Variants in ZDHHC11 observed in about 807,000 individuals in gnomAD.
ZDHHC11 encodes palmitoyltransferase ZDHHC11.
In ZDHHC11, 44 loss-of-function variants were observed where a neutral mutation model predicts 51.3. That is an observed-to-expected ratio of 0.86 (90% confidence interval 0.67 to 1.10). The LOEUF (loss-of-function observed/expected upper bound fraction) is 1.10. Among genes scored for constraint, ZDHHC11 ranks in the 50% least tolerant of loss-of-function variants. The probability of loss-of-function intolerance (pLI) is 0.00; values close to 1 mark genes in which losing one functional copy is unlikely to be tolerated. For missense variants in ZDHHC11, 400 were observed against 537.7 expected (o/e 0.74, Z 2.53); for synonymous variants, 163 against 222.0 (o/e 0.73, Z 2.36).
At chr5:859,848 T>C (rs1046014706), upstream of ZDHHC11, among the ~76,000 whole-genome samples, 13 of 151,682 alleles carry the variant, frequency 8.6e-5, no homozygotes, top group Admixed American at 2.0e-4. Flanking sequence ...TCGTGTCGGT[T>C]GGGGGGGGTC....
At chr5:810,541 T>C (rs1389120859) in intron 11 of ZDHHC11, among the ~76,000 whole-genome samples, 1 of 151,122 alleles carries the variant, frequency 6.6e-6, no homozygotes. Flanking sequence ...TTTCCCCGTG[T>C]GGCAAAGCGT....
intron 10 of ZDHHC11, among the ~76,000 whole-genome samples, chr5:815,831 C>T (rs771335436): frequency 6.6e-6 from 1 of 151,536 alleles, no homozygotes; most frequent in Non-Finnish European, 1.5e-5. Context: ...GTCTCAAACT[C>T]CTAGCCTCCA....
chr5:852,602 G>A (rs1360035867), upstream of ZDHHC11, among the ~76,000 whole-genome samples: 1 of 151,444 alleles, frequency 6.6e-6, no homozygotes, highest in Non-Finnish European at 1.5e-5. Context: ...ACGCCACGGA[G>A]GACAGTAAGC....
intron 6 of ZDHHC11, among the ~76,000 whole-genome samples, chr5:835,131 T>C (rs1421228459): frequency 6.6e-6 from 1 of 151,356 alleles, no homozygotes; most frequent in Non-Finnish European, 1.5e-5. Context: ...TATGCTTGTT[T>C]CTAGAAGTGT....
chr5:803,974 G>T (rs1189433358), intron 11 of ZDHHC11, among the ~76,000 whole-genome samples: 2 of 150,018 alleles, frequency 1.3e-5, no homozygotes, highest in African/African-American at 4.9e-5. Flanking sequence ...AAAAGATTAA[G>T]GAAGATGAAC....
intron 11 of ZDHHC11, among the ~76,000 whole-genome samples, chr5:812,102 G>C (rs375874): frequency 0.27 from 28,747 of 105,166 alleles, 2,712 homozygotes; most frequent in African/African-American, 0.46. Flanking sequence ...AAAATAAGTT[G>C]AAGATGGCTT....
chr5:803,890 T>C (rs116469455), intron 11 of ZDHHC11, among the ~76,000 whole-genome samples: 5,584 of 148,752 alleles, frequency 0.038, 257 homozygotes, highest in East Asian at 0.11. Flanking sequence ...TTCAACAGAT[T>C]TGAGCAAGCA....
rs925109947 is a variant in ZDHHC11, at chr5:799,267, G to A, written c.*7+1833C>T. Among the ~76,000 whole-genome samples, 17 of 151,260 alleles carry A rather than the reference G, an allele frequency of 1.1e-4. 1 individual carries two copies. The highest frequency in any genetic ancestry group is 3.2e-4 in the African/African-American group (13 of 41,144). On this transcript the variant is annotated intron_variant, in intron 12 of 12. Transcript: ENST00000283441. ...GGCCTGGAGCCTCCCCCAGCCCTTC[G>A]CCTCCTCTCTCTCCATGTGATCTCT... is the stretch of plus-strand genomic sequence containing the variant.
At chr5:847,473 C>G in intron 3 of ZDHHC11, 41 bp downstream of exon 3, 2 of 1,465,560 alleles carry the variant, frequency 1.4e-6, no homozygotes, top group Non-Finnish European at 1.9e-6. Flanking sequence ...CAAATTCCCC[C>G]AAGCCTGGCC....
At position 819,562 on chromosome 5, in the gene ZDHHC11, G is replaced by C; in HGVS notation, c.1109C>G (p.Ser370Cys). ...RLICRRLCQF[S>C]TRVHPDGGSM... is the part of the protein sequence containing the mutation. The stretch of plus-strand genomic sequence containing the variant: ...GCCCCCGTCTGGGTGTACACGAGTG[G>C]AGAACTGACACAGGCGCCTGCAAAT... The change falls in exon 10 of 13, where the codon TCC becomes TGC. Residue 370 changes from serine to cysteine, a missense_variant. Around this residue, in one of 5 missense-constraint regions of ZDHHC11, gnomAD observed 231 missense variants for 227.4 expected, o/e 1.02. Transcript: ENST00000283441. 8.1e-6 allele frequency: 13 copies of C among 1,610,016 alleles called. 1 individual carries two copies. Among genetic ancestry groups the C allele is most frequent in the African/African-American group, 2.7e-5 (2 of 74,890 alleles).
Position 827,946 on chromosome 5 carries a change from T to C in ZDHHC11, c.936-2695A>G, listed in dbSNP as rs575904126. ...ATTAGGGAGTGGTGATGACTCTTAA[T>C]GAGCATGCTGCCTTCAAGCATCTGT... On this transcript the variant is annotated intron_variant, in intron 7 of 12. Coordinates refer to ENST00000283441, the MANE Select transcript of ZDHHC11 (RefSeq NM_024786.3). Among the ~76,000 whole-genome samples the C allele has an allele frequency of 9.1e-4, 138 of 151,004 alleles. 1 individual carries two copies. The South Asian group carries it at 0.014, about 16-fold the overall frequency.
intron 3 of ZDHHC11, among the ~76,000 whole-genome samples, chr5:844,698 G>C (rs1309180133): frequency 6.6e-6 from 1 of 152,308 alleles, no homozygotes; most frequent in Non-Finnish European, 1.5e-5. Flanking sequence ...GGGAACTCGG[G>C]CTGAGGAGGC....
intron 10 of ZDHHC11, chr5:816,371 GA>G (rs1740794502): frequency 7.4e-5 from 29 of 390,690 alleles, no homozygotes; most frequent in South Asian, 5.5e-4. Context: ...GCACGGGCGG[GA>G]GGGGGGCGGT....
intron 7 of ZDHHC11, among the ~76,000 whole-genome samples, chr5:828,171 A>G (rs1221372506): frequency 6.6e-6 from 1 of 151,412 alleles, no homozygotes; most frequent in East Asian, 1.9e-4. Flanking sequence ...CCGATTTCTC[A>G]ATCTTTTCCC....
At chr5:815,423 G>A (rs1280780981) in intron 10 of ZDHHC11, among the ~76,000 whole-genome samples, 1 of 151,424 alleles carries the variant, frequency 6.6e-6, no homozygotes, top group Non-Finnish European at 1.5e-5. Context: ...GGGAGTGCTG[G>A]CTCATATGAT....
chr5:860,443 T>C (rs749985021), upstream of ZDHHC11, among the ~76,000 whole-genome samples: 1 of 152,216 alleles, frequency 6.6e-6, no homozygotes, highest in Non-Finnish European at 1.5e-5. This position sits in a 1 kb window ranked among gnomAD's most constrained non-coding sequence, Gnocchi z 4.2. Context: ...GCCCTGATGC[T>C]GTCTAAAGAT....
chr5:802,825 CAAAAAAAAAAAAA>C (rs70957306), intron 11 of ZDHHC11, among the ~76,000 whole-genome samples: 6 of 19,090 alleles, frequency 3.1e-4, no homozygotes, highest in Non-Finnish European at 8.4e-4. Context: ...TACAAAAATA[CAAAAAAAAAAAAA>C]AAAAAAAAAA....
intron 11 of ZDHHC11, among the ~76,000 whole-genome samples, chr5:807,911 C>T (rs1297549369): frequency 3.3e-5 from 5 of 150,384 alleles, no homozygotes; most frequent in Non-Finnish European, 5.9e-5. Context: ...GCCTGGGATG[C>T]CTCTGGGGGA....
In ZDHHC11 at chr5:819,583, C is replaced by A. The variant is rs144315491; in HGVS notation, c.1088G>T (p.Cys363Phe). Residue 363 changes from cysteine to phenylalanine, a missense_variant, in exon 10 of 13, where the codon TGC becomes TTC. Coordinates refer to ENST00000283441, the MANE Select transcript of ZDHHC11 (RefSeq NM_024786.3). ...AGTGGAGAACTGACACAGGCGCCTG[C>A]AAATCAGCCGGGAGTTCCTGGCCTT... ...GAKARNSRLI[C>F]RRLCQFSTRV... 130 of 1,609,858 alleles carry A rather than the reference C, an allele frequency of 8.1e-5. 4 individuals are homozygous for A. In the African/African-American group the frequency reaches 1.3e-3, roughly 17 times the overall value.
Sources: gnomAD v4.1 joint callset for allele counts (sites outside exome capture counted in the v4.1 genomes callset) on GRCh38, gnomAD v4.1.1 for gene constraint, gnomAD v4.1.1 regional missense constraint, Gnocchi (gnomAD v3.1) non-coding constraint, MANE v1.5 for transcripts, NCBI Gene and HGNC (gene_info 2026-07-23, HGNC 2026-07-21) for gene names.